Variants in COL14A1 observed in about 807,000 individuals in gnomAD.
COL14A1 encodes the protein collagen type XIV alpha 1 chain.
In COL14A1, 136 loss-of-function variants were observed where a neutral mutation model predicts 230.3. The observed-to-expected ratio is 0.59, with a 90% confidence interval of 0.51 to 0.68. The LOEUF is 0.68. COL14A1 is among the 30% of genes least tolerant of loss of function. The pLI, the probability that COL14A1 is intolerant of heterozygous loss-of-function variation, is 0.00. For synonymous variants in COL14A1, 792 were observed against 784.1 expected, an observed-to-expected ratio of 1.01 and a Z score of -0.17; for missense variants, 1,976 against 2,215.8, an observed-to-expected ratio of 0.89 and a Z score of 2.17.
At chr8:120,334,607 C>CACACACACAA (rs1427706149) in intron 42 of COL14A1, among the ~76,000 whole-genome samples, 13 of 151,748 alleles carry the variant, frequency 8.6e-5, no homozygotes, top group Admixed American at 6.6e-5. Context: ...CACACACACA[C>CACACACACAA]ACACACACAC....
At chr8:120,262,732 A>G (rs749764661) in intron 23 of COL14A1, 136 bp from the exon 24 acceptor site, 11 of 774,404 alleles carry the variant, frequency 1.4e-5, no homozygotes, top group Non-Finnish European at 2.1e-5. Flanking sequence ...CAATACTTCA[A>G]ACAAATATAA....
chr8:120,126,424 C>T (rs1237982029), intron 1 of COL14A1, among the ~76,000 whole-genome samples: 1 of 152,148 alleles, frequency 6.6e-6, no homozygotes, highest in Non-Finnish European at 1.5e-5. Context: ...CCAGGATTTC[C>T]CCCCAAACAT....
rs73704129 is a variant in COL14A1, at chr8:120,231,296, T to C, written c.2198-171T>C. ...TCCACTTTTATTTGCTGCTAGTAGG[T>C]ATCATGCCTCCCCATTAAGCACCAT... On this transcript the variant is annotated intron_variant, in intron 18 of 47. Transcript: ENST00000297848. Among the ~76,000 whole-genome samples the C allele has an allele frequency of 6.1e-3, 936 of 152,300 alleles. 7 individuals carry two copies. The highest frequency in any genetic ancestry group is 0.021 in the African/African-American group (892 of 41,556).
intron 5 of COL14A1, among the ~76,000 whole-genome samples, chr8:120,172,540 T>C (rs1241304241): frequency 6.6e-6 from 1 of 152,154 alleles, no homozygotes; most frequent in Non-Finnish European, 1.5e-5. Context: ...TGTGGACTCA[T>C]GTGGAAATTG....
chr8:120,325,650 A>G (rs1821637734), intron 40 of COL14A1, among the ~76,000 whole-genome samples: 2 of 151,998 alleles, frequency 1.3e-5, no homozygotes, highest in Admixed American at 6.5e-5. Context: ...AACGTACCGC[A>G]CCCAGCTAGT....
intron 29 of COL14A1, 140 bp from the exon 30 acceptor site, chr8:120,280,571 C>A: frequency 1.2e-6 from 1 of 812,178 alleles, no homozygotes; most frequent in Non-Finnish European, 2.0e-6. Flanking sequence ...CCACAGAAAA[C>A]CATAGTCACA....
intron 10 of COL14A1, 124 bp downstream of exon 10, chr8:120,207,218 T>C (rs1817464791): frequency 3.5e-6 from 3 of 866,828 alleles, no homozygotes; most frequent in Admixed American, 3.4e-5. Flanking sequence ...AGAATTTGAC[T>C]GAAATACATT....
chr8:120,169,257 A>C (rs1377629561), intron 5 of COL14A1, among the ~76,000 whole-genome samples: 1 of 152,212 alleles, frequency 6.6e-6, no homozygotes, highest in Non-Finnish European at 1.5e-5. Flanking sequence ...AGGTTAAAGG[A>C]TAAGCAAATT....
At chr8:120,250,563 C>A in intron 21 of COL14A1, 54 bp from the exon 22 acceptor site, 11 of 1,578,160 alleles carry the variant, frequency 7.0e-6, no homozygotes, top group African/African-American at 1.3e-5. Flanking sequence ...TCTAAGAGTG[C>A]TTCTATTTTC....
chr8:120,255,465 A>C (rs1819114678), intron 23 of COL14A1, 109 bp downstream of exon 23: 1 of 853,496 alleles, frequency 1.2e-6, no homozygotes, highest in African/African-American at 1.7e-5. Flanking sequence ...CCTCTTGTCA[A>C]GGAAGCAATT....
intron 12 of COL14A1, among the ~76,000 whole-genome samples, chr8:120,211,589 A>C (rs1364476429): frequency 6.6e-6 from 1 of 152,218 alleles, no homozygotes; most frequent in Non-Finnish European, 1.5e-5. Context: ...TTTTTAAAAA[A>C]TAAAATCTGA....
chr8:120,163,570 C>T (rs908978483), intron 4 of COL14A1, among the ~76,000 whole-genome samples: 1 of 152,088 alleles, frequency 6.6e-6, no homozygotes, highest in Non-Finnish European at 1.5e-5. Flanking sequence ...TCGAGACCAG[C>T]CTGACCAACA....
intron 3 of COL14A1, among the ~76,000 whole-genome samples, chr8:120,158,650 G>C (rs1372005905): frequency 6.6e-6 from 1 of 152,126 alleles, no homozygotes; most frequent in Admixed American, 6.5e-5. Context: ...AGTGGACATT[G>C]TGAAAATAAG....
intron 24 of COL14A1, among the ~76,000 whole-genome samples, chr8:120,265,205 A>G (rs937342760): frequency 3.9e-5 from 6 of 152,162 alleles, no homozygotes; most frequent in Admixed American, 1.3e-4. Flanking sequence ...GTTCTGCCCA[A>G]TCGTATTAAT....
intron 31 of COL14A1, among the ~76,000 whole-genome samples, chr8:120,282,337 G>A (rs564883476): frequency 4.6e-5 from 7 of 152,228 alleles, no homozygotes; most frequent in African/African-American, 9.6e-5. Context: ...ACTCAGACTC[G>A]CACGCTAATA....
intron 38 of COL14A1, 86 bp from the exon 39 acceptor site, chr8:120,315,447 A>T (rs900669653): frequency 1.0e-6 from 1 of 985,090 alleles, no homozygotes; most frequent in Non-Finnish European, 1.6e-6. Context: ...TTTACTGTGG[A>T]AACTATTTAA....
chr8:120,243,654 G>C (rs1586798139), intron 19 of COL14A1, among the ~76,000 whole-genome samples: 1 of 151,542 alleles, frequency 6.6e-6, no homozygotes, highest in Non-Finnish European at 1.5e-5. Context: ...TAGAGCTTAA[G>C]AGTGTCAAAT....
chr8:120,173,992 G>A (rs1816190799), intron 5 of COL14A1, among the ~76,000 whole-genome samples: 1 of 152,084 alleles, frequency 6.6e-6, no homozygotes, highest in Non-Finnish European at 1.5e-5. Context: ...ATTCACTGTG[G>A]TTTTCTTATT....
At chr8:120,164,791 A>G (rs555259790) in intron 4 of COL14A1, among the ~76,000 whole-genome samples, 19 of 152,322 alleles carry the variant, frequency 1.2e-4, no homozygotes, top group Admixed American at 3.3e-4. Flanking sequence ...ACATTCCTGC[A>G]TGAGTTGCTG....
Sources: gnomAD v4.1 joint callset for allele counts (sites outside exome capture counted in the v4.1 genomes callset) on GRCh38, gnomAD v4.1.1 for gene constraint, MANE v1.5 for transcripts, NCBI Gene and HGNC (gene_info 2026-07-23, HGNC 2026-07-21) for gene names.